MOB3B: variants seen among roughly 807,000 people sequenced by gnomAD.
The protein encoded by MOB3B is MOB kinase activator 3B.
A neutral mutation model predicts 18.7 loss-of-function variants in MOB3B; 7 were observed. That is an observed-to-expected ratio of 0.37 (90% CI 0.21 to 0.70). The LOEUF (loss-of-function observed/expected upper bound fraction) is 0.70, where lower values mean the gene tolerates loss of function less well. MOB3B is among the 30% of genes least tolerant of loss of function. The probability of loss-of-function intolerance (pLI) is 0.52; values close to 1 mark genes in which losing one functional copy is unlikely to be tolerated. For missense variants in MOB3B, 253 were observed against 281.3 expected (o/e 0.90, Z 0.72); for synonymous variants, 111 against 99.9 (o/e 1.11, Z -0.66).
chr9:27,474,046 G>A (rs1819514693), intron 1 of MOB3B, among the ~76,000 whole-genome samples: 1 of 152,136 alleles, frequency 6.6e-6, no homozygotes, highest in Non-Finnish European at 1.5e-5. Flanking sequence ...CCAGCTTCCA[G>A]AACTATGAGA....
intron 2 of MOB3B, among the ~76,000 whole-genome samples, chr9:27,382,354 A>G (rs1392537157): frequency 5.9e-5 from 9 of 152,106 alleles, no homozygotes; most frequent in South Asian, 2.1e-4. Context: ...CTCTGCCTAA[A>G]GCCCCAGGTT....
chr9:27,418,513 G>C (rs1822190904), intron 2 of MOB3B, among the ~76,000 whole-genome samples: 2 of 152,052 alleles, frequency 1.3e-5, no homozygotes, highest in South Asian at 4.2e-4. Context: ...TCATACCAGA[G>C]ATACAGGGAT....
At chr9:27,411,678 A>C (rs571632829) in intron 2 of MOB3B, among the ~76,000 whole-genome samples, 8 of 152,300 alleles carry the variant, frequency 5.3e-5, no homozygotes, top group African/African-American at 1.7e-4. Context: ...TAAACATAAA[A>C]ATGGGAGAGA....
intron 2 of MOB3B, among the ~76,000 whole-genome samples, chr9:27,410,024 C>A (rs1225824137): frequency 1.3e-5 from 2 of 152,126 alleles, no homozygotes; most frequent in Non-Finnish European, 2.9e-5. Context: ...TTGAACAACA[C>A]TGTGAATGTG....
chr9:27,330,986 G>A (rs1028731672), intron 3 of MOB3B, among the ~76,000 whole-genome samples: 1 of 152,138 alleles, frequency 6.6e-6, no homozygotes, highest in Non-Finnish European at 1.5e-5. Flanking sequence ...TGACTTCCCA[G>A]CAGGAGCCAT....
chr9:27,365,874 C>T (rs1468977746), intron 2 of MOB3B, among the ~76,000 whole-genome samples: 1 of 152,158 alleles, frequency 6.6e-6, no homozygotes, highest in Non-Finnish European at 1.5e-5. Context: ...AGTTAATGAG[C>T]CTGAAACAGG....
At chr9:27,375,658 C>A (rs1033379829) in intron 2 of MOB3B, among the ~76,000 whole-genome samples, 1 of 152,126 alleles carries the variant, frequency 6.6e-6, no homozygotes, top group African/African-American at 2.4e-5. Flanking sequence ...CCCATGCATC[C>A]TGAGGAGCCT....
chr9:27,520,688 G>T (rs1227559057), intron 1 of MOB3B, among the ~76,000 whole-genome samples: 6 of 152,116 alleles, frequency 3.9e-5, no homozygotes, highest in African/African-American at 1.2e-4. Context: ...CTTGTTACGG[G>T]TATGTGCACA....
intron 1 of MOB3B, among the ~76,000 whole-genome samples, chr9:27,465,814 C>T (rs887110236): frequency 7.9e-5 from 12 of 152,216 alleles, no homozygotes; most frequent in Admixed American, 2.0e-4. Flanking sequence ...CTGAGCTCTA[C>T]GTTGGCCCTT....
chr9:27,354,333 T>C (rs1271671314), intron 3 of MOB3B, among the ~76,000 whole-genome samples: 1 of 152,054 alleles, frequency 6.6e-6, no homozygotes, highest in Non-Finnish European at 1.5e-5. Flanking sequence ...ACAGAGAGGG[T>C]TGGTTATCCT....
At chr9:27,428,050 C>T (rs994335198) in intron 2 of MOB3B, among the ~76,000 whole-genome samples, 12 of 152,190 alleles carry the variant, frequency 7.9e-5, no homozygotes, top group Admixed American at 4.6e-4. Flanking sequence ...CTGGGTCACA[C>T]TTTAGGCATA....
At chr9:27,440,016 G>C (rs1233603924) in intron 2 of MOB3B, among the ~76,000 whole-genome samples, 2 of 152,162 alleles carry the variant, frequency 1.3e-5, no homozygotes, top group African/African-American at 4.8e-5. Context: ...ACAGTGGAGA[G>C]AAAATGGTAG....
chr9:27,494,348 C>T (rs888574758), intron 1 of MOB3B, among the ~76,000 whole-genome samples: 1 of 152,204 alleles, frequency 6.6e-6, no homozygotes, highest in Non-Finnish European at 1.5e-5. Flanking sequence ...CCTATTTGCA[C>T]ACTCCCTCCC....
At chr9:27,483,201 T>C (rs530690682) in intron 1 of MOB3B, among the ~76,000 whole-genome samples, 8 of 149,726 alleles carry the variant, frequency 5.3e-5, no homozygotes, top group Admixed American at 2.7e-4. Flanking sequence ...GGCGCCATCT[T>C]GGCTCACTGC....
intron 2 of MOB3B, among the ~76,000 whole-genome samples, chr9:27,445,425 C>A (rs896076964): frequency 1.3e-5 from 2 of 148,634 alleles, no homozygotes; most frequent in African/African-American, 4.9e-5. Context: ...TACACTATTT[C>A]TGGAAAACAG....
chr9:27,520,268 CA>C (rs1820304388), intron 1 of MOB3B, among the ~76,000 whole-genome samples: 1 of 152,198 alleles, frequency 6.6e-6, no homozygotes, highest in Non-Finnish European at 1.5e-5. Flanking sequence ...ATAGACACCA[CA>C]CAATTCCATA....
intron 3 of MOB3B, among the ~76,000 whole-genome samples, chr9:27,332,347 G>A (rs1158974743): frequency 1.3e-5 from 2 of 152,208 alleles, no homozygotes; most frequent in African/African-American, 4.8e-5. Context: ...TACAACAAGA[G>A]CATGTGTGTG....
At chr9:27,341,587 C>T (rs1055463423) in intron 3 of MOB3B, among the ~76,000 whole-genome samples, 23 of 152,162 alleles carry the variant, frequency 1.5e-4, no homozygotes, top group Admixed American at 1.3e-3. Context: ...ACAATGAGAT[C>T]TCTTGCTAGA....
intron 2 of MOB3B, among the ~76,000 whole-genome samples, chr9:27,383,915 T>TA (rs1468168676): frequency 6.6e-6 from 1 of 152,116 alleles, no homozygotes; most frequent in Non-Finnish European, 1.5e-5. Flanking sequence ...AGATGTTCCT[T>TA]AAAAAAATAA....
Sources: gnomAD v4.1 joint callset for allele counts (sites outside exome capture counted in the v4.1 genomes callset) on GRCh38, gnomAD v4.1.1 for gene constraint, MANE v1.5 for transcripts, NCBI Gene and HGNC (gene_info 2026-07-23, HGNC 2026-07-21) for gene names.